Variants in DOCK8 observed in about 807,000 individuals in gnomAD.
DOCK8 encodes dedicator of cytokinesis 8, also known as dedicator of cytokinesis protein 8.
Under a neutral mutation model 245.6 loss-of-function variants are expected in DOCK8, and 141 were observed. The ratio of observed to expected loss-of-function variants is 0.57; its 90% confidence interval spans 0.50 to 0.66. The LOEUF is 0.66. DOCK8 is among the 30% of genes least tolerant of loss of function. DOCK8 has a pLI of 0.00. For synonymous variants in DOCK8, 1,168 were observed against 970.2 expected (o/e 1.20, Z -3.79); for missense variants, 2,965 against 2,603.4 (o/e 1.14, Z -3.02).
chr9:274,983 C>T (rs1037491844), intron 2 of DOCK8, among the ~76,000 whole-genome samples: 1 of 152,166 alleles, frequency 6.6e-6, no homozygotes, highest in African/African-American at 2.4e-5. Context: ...TAATCATTTA[C>T]ACGTCTTTGT....
chr9:436,318 C>G (rs371807946), intron 39 of DOCK8, among the ~76,000 whole-genome samples: 3 of 152,152 alleles, frequency 2.0e-5, no homozygotes, highest in Admixed American at 1.3e-4. Context: ...AAAAATAACA[C>G]CTGATTTCAA....
At chr9:220,916 T>A (rs2046869275) in intron 1 of DOCK8, 1 of 272,252 alleles carries the variant, frequency 3.7e-6, no homozygotes, top group Non-Finnish European at 7.3e-6. Context: ...AGATGGGGTT[T>A]CACCGTGTTG....
At position 312,048 on chromosome 9, in the gene DOCK8, A is replaced by G. The variant is rs377430634; in HGVS notation, c.623A>G (p.Lys208Arg). The G allele has an allele frequency of 1.5e-5, 24 of 1,614,082 alleles. No homozygotes were observed. In the South Asian group the frequency reaches 1.8e-4, roughly 12 times the overall value. The stretch of plus-strand genomic sequence containing the variant: ...GACCTCCGCAGCCTGCAGCCTGACA[A>G]GCGGCTAGAAAACCTCCTGCAGCAA... ...DFDLRSLQPD[K>R]RLENLLQQVS... is the part of the protein sequence containing the mutation. Residue 208 changes from lysine (K) to arginine (R), a missense_variant, in exon 6 of 48, where the codon AAG (lysine) becomes AGG (arginine). Transcript: ENST00000432829.
At chr9:417,152 A>T (rs1280386103) in intron 29 of DOCK8, among the ~76,000 whole-genome samples, 1 of 152,094 alleles carries the variant, frequency 6.6e-6, no homozygotes, top group Non-Finnish European at 1.5e-5. Flanking sequence ...AAAGTTAGCC[A>T]GGCGTGGTGG....
At chr9:359,102 C>T (rs887360593) in intron 14 of DOCK8, among the ~76,000 whole-genome samples, 3 of 152,182 alleles carry the variant, frequency 2.0e-5, no homozygotes, top group African/African-American at 7.2e-5. Flanking sequence ...TATGCTGATG[C>T]TGATGCTGAC....
Position 253,730 on chromosome 9 carries a change from C to G in DOCK8, c.54-17897C>G, listed in dbSNP as rs183147505. On this transcript the variant is annotated intron_variant, in intron 1 of 47. Transcript: ENST00000432829. Reference sequence around the variant, plus strand: ...TTGGCTTTGTGCCCAACATGTGGCTCCTCTGCCATGATTGATGGCTTCATT... The same window carrying G: ...TTGGCTTTGTGCCCAACATGTGGCTGCTCTGCCATGATTGATGGCTTCATT... Among the ~76,000 whole-genome samples the G allele has an allele frequency of 6.6e-5, 10 of 152,284 alleles. No individual in the cohort carries two copies. The East Asian group carries it at 1.7e-3, about 26-fold the overall frequency.
chr9:452,395 C>T (rs1020584876), intron 46 of DOCK8: 9 of 214,974 alleles, frequency 4.2e-5, no homozygotes, highest in Non-Finnish European at 8.4e-5. Flanking sequence ...AACTATGAAA[C>T]GCTTTTGTGG....
chr9:411,731 A>G (rs961185509), intron 28 of DOCK8, among the ~76,000 whole-genome samples: 40 of 152,272 alleles, frequency 2.6e-4, no homozygotes, highest in African/African-American at 9.4e-4. Context: ...TATAAAAAGG[A>G]TTATACACCA....
intron 4 of DOCK8, among the ~76,000 whole-genome samples, chr9:303,125 A>G (rs563861320): frequency 1.3e-5 from 2 of 151,960 alleles, no homozygotes; most frequent in African/African-American, 4.8e-5. Flanking sequence ...ACACCACTGC[A>G]CTCCATCCTG....
chr9:316,339 A>ACT (rs1287255699), intron 6 of DOCK8, among the ~76,000 whole-genome samples: 1 of 152,236 alleles, frequency 6.6e-6, no homozygotes, highest in Non-Finnish European at 1.5e-5. Flanking sequence ...TTAACATAGA[A>ACT]TGATAGTTCA....
chr9:216,331 C>A (rs138869631), intron 1 of DOCK8, among the ~76,000 whole-genome samples: 1 of 151,878 alleles, frequency 6.6e-6, no homozygotes, highest in Non-Finnish European at 1.5e-5. Context: ...GAGTTTGAGA[C>A]CAGCCTGGGC....
chr9:342,457 T>G (rs78180242), intron 14 of DOCK8, among the ~76,000 whole-genome samples: 16,732 of 114,980 alleles, frequency 0.15, 1,154 homozygotes, highest in African/African-American at 0.24. Flanking sequence ...TGGGTTTTTT[T>G]GGGGTTTTTT....
At chr9:371,314 G>C in intron 16 of DOCK8, 114 bp from the exon 17 acceptor site, 1 of 1,288,006 alleles carries the variant, frequency 7.8e-7, no homozygotes, top group Non-Finnish European at 1.1e-6. Context: ...AATGTAAAAT[G>C]AAAAGCAAAA....
In DOCK8 at chr9:377,225, G is replaced by A. The variant is rs1490640225; in HGVS notation, c.2440+14G>A. The A allele has an allele frequency of 1.3e-6, 2 of 1,560,840 alleles. No homozygotes were observed. The highest frequency in any genetic ancestry group is 2.7e-5 in the African/African-American group (2 of 74,086). ...CTGGCCAGACAGGTATGAACCTGCAGGGCTGGGCTGGGAGGAGGCAGGAGC... is the reference window on the plus strand; with the variant it reads ...CTGGCCAGACAGGTATGAACCTGCAAGGCTGGGCTGGGAGGAGGCAGGAGC... On this transcript the variant is annotated intron_variant, in intron 20 of 47. Coordinates refer to ENST00000432829, the MANE Select transcript of DOCK8 (RefSeq NM_203447.4).
chr9:366,495 G>C (rs1242824944), intron 14 of DOCK8: 1 of 152,162 alleles, frequency 6.6e-6, no homozygotes, highest in Admixed American at 6.5e-5. Flanking sequence ...CAAGAGATTT[G>C]AGAATCCCTG....
chr9:356,294 C>T (rs914883151), intron 14 of DOCK8, among the ~76,000 whole-genome samples: 2 of 151,958 alleles, frequency 1.3e-5, no homozygotes, highest in African/African-American at 4.8e-5. Context: ...TTTGGGAGAC[C>T]GAGGCGGGCG....
chr9:444,335 A>AAATAATAATAATAATAATAATAAT (rs139606153), intron 43 of DOCK8, among the ~76,000 whole-genome samples: 6 of 143,622 alleles, frequency 4.2e-5, no homozygotes, highest in Non-Finnish European at 9.1e-5. Flanking sequence ...AAAACAAAGC[A>AAATAATAATAATAATAATAATAAT]AATAATAATA....
intron 1 of DOCK8, among the ~76,000 whole-genome samples, chr9:219,246 G>C (rs1375976308): frequency 6.6e-6 from 1 of 152,182 alleles, no homozygotes; most frequent in African/African-American, 2.4e-5. Flanking sequence ...AAGGCGGGAC[G>C]ATCACCTGAG....
At chr9:282,734 T>G (rs897603365) in intron 2 of DOCK8, among the ~76,000 whole-genome samples, 7 of 152,132 alleles carry the variant, frequency 4.6e-5, no homozygotes, top group African/African-American at 1.7e-4. Context: ...ACATGACAAG[T>G]ATTATTCTCT....
Sources: allele counts gnomAD v4.1 joint callset (sites outside exome capture counted in the v4.1 genomes callset), GRCh38; gene constraint gnomAD v4.1.1; transcripts MANE v1.5; gene names NCBI Gene and HGNC (gene_info 2026-07-23, HGNC 2026-07-21).